Variants in CNOT6 observed in about 807,000 individuals in gnomAD.
CNOT6 encodes the protein CCR4-NOT transcription complex subunit 6.
In CNOT6, 12 loss-of-function variants were observed where a neutral mutation model predicts 61.2. The ratio of observed to expected loss-of-function variants is 0.20; its 90% CI spans 0.13 to 0.32. CNOT6 has a LOEUF of 0.32. Ranked by LOEUF, CNOT6 falls within the 10% of genes least tolerant of loss-of-function variation. The pLI, the probability that CNOT6 is intolerant of heterozygous loss-of-function variation, is 1.00. For missense variants in CNOT6, 405 were observed against 663.9 expected (o/e 0.61, Z 4.28); for synonymous variants, 225 against 240.6 (o/e 0.94, Z 0.60).
intron 2 of CNOT6, among the ~76,000 whole-genome samples, chr5:180,538,713 T>TATATATAC (rs1345549867): frequency 6.9e-6 from 1 of 144,898 alleles, no homozygotes; most frequent in African/African-American, 2.6e-5. Flanking sequence ...TATATATATA[T>TATATATAC]ATACAAAAAA....
chr5:180,498,350 A>G (rs4538575), intron 1 of CNOT6, among the ~76,000 whole-genome samples: 114,645 of 152,122 alleles, frequency 0.75, 43,911 homozygotes, highest in African/African-American at 0.86. Context: ...TTGCCTTCTC[A>G]TAGTGTATAG....
intron 1 of CNOT6, among the ~76,000 whole-genome samples, chr5:180,513,693 A>ATT (rs1757503816): frequency 7.3e-6 from 1 of 136,650 alleles, no homozygotes; most frequent in African/African-American, 2.7e-5. Flanking sequence ...TTATTTATTT[A>ATT]TTTATTTTTA....
chr5:180,535,532 C>A lies in CNOT6; in HGVS notation c.112+6144C>A, dbSNP rs190508821. On this transcript the variant is annotated intron_variant, in intron 2 of 11. Coordinates refer to ENST00000261951, the MANE Select transcript of CNOT6 (RefSeq NM_001370472.1). ...AGTAGTATTTCTTGGTGTATATATACACTGCATTTTCTTTATCCAGTCATC... is the reference window on the plus strand; with the variant it reads ...AGTAGTATTTCTTGGTGTATATATAAACTGCATTTTCTTTATCCAGTCATC... Among the ~76,000 whole-genome samples, 111 of 152,312 alleles carry A rather than the reference C, an allele frequency of 7.3e-4. No homozygotes were observed. The South Asian group carries it at 8.3e-3, about 11-fold the overall frequency.
chr5:180,541,475 A>G (rs1581527611), intron 2 of CNOT6, among the ~76,000 whole-genome samples: 2 of 51,262 alleles, frequency 3.9e-5, no homozygotes, highest in Non-Finnish European at 8.4e-5. Context: ...TTTTTGAGAC[A>G]GAGTTTCGCT....
At chr5:180,509,004 G>T (rs1757263558) in intron 1 of CNOT6, among the ~76,000 whole-genome samples, 1 of 151,774 alleles carries the variant, frequency 6.6e-6, no homozygotes, top group South Asian at 2.1e-4. Context: ...TGTATTTTTA[G>T]TAGAGACAGG....
chr5:180,527,513 C>T (rs1418466117), intron 1 of CNOT6, among the ~76,000 whole-genome samples: 2 of 152,162 alleles, frequency 1.3e-5, no homozygotes, highest in Non-Finnish European at 2.9e-5. Flanking sequence ...AATACGTTCA[C>T]ATGGTTGTGT....
chr5:180,500,226 C>T (rs754429004), intron 1 of CNOT6, among the ~76,000 whole-genome samples: 11 of 151,732 alleles, frequency 7.2e-5, no homozygotes, highest in Non-Finnish European at 4.4e-5. Context: ...CAGGTTCACC[C>T]GAGCCTCCTG....
chr5:180,565,566 C>T (rs11249729), intron 6 of CNOT6, among the ~76,000 whole-genome samples: 70,744 of 151,892 alleles, frequency 0.47, 17,498 homozygotes, highest in Non-Finnish European at 0.56. Flanking sequence ...CGAGCTTAGA[C>T]TTTTCACTTC....
intron 11 of CNOT6, among the ~76,000 whole-genome samples, chr5:180,573,533 C>A (rs997626441): frequency 4.1e-5 from 6 of 147,064 alleles, no homozygotes; most frequent in Non-Finnish European, 6.0e-5. Context: ...GTGTTCCAGG[C>A]AGAATGGTGG....
At chr5:180,552,599 T>TGG (rs1759674250) in intron 3 of CNOT6, among the ~76,000 whole-genome samples, 1 of 150,154 alleles carries the variant, frequency 6.7e-6, no homozygotes, top group Non-Finnish European at 1.5e-5. Flanking sequence ...TGAGCCGAGA[T>TGG]CGCATCACTG....
At chr5:180,573,136 T>C (rs1239958616) in intron 11 of CNOT6, among the ~76,000 whole-genome samples, 1 of 152,196 alleles carries the variant, frequency 6.6e-6, no homozygotes, top group African/African-American at 2.4e-5. Context: ...GTTTTCTTTC[T>C]CTTTCTGTTG....
chr5:180,557,576 C>CT (rs1269524658), intron 4 of CNOT6, among the ~76,000 whole-genome samples: 1 of 152,068 alleles, frequency 6.6e-6, no homozygotes, highest in African/African-American at 2.4e-5. Flanking sequence ...AGATTATTTG[C>CT]TTTTTTACTG....
rs903341398 is a variant in CNOT6, at chr5:180,553,153, A to G, written c.300-233A>G. ...ATACTTTTTAAAAATTGGGTCTTAC[A>G]TTTTGTCCTTTTCCCCCATTATTTC... is the stretch of plus-strand genomic sequence containing the variant. On this transcript the variant is annotated intron_variant, in intron 3 of 11. Transcript: ENST00000261951. Among the ~76,000 whole-genome samples, 10 of 151,274 alleles carry G rather than the reference A, an allele frequency of 6.6e-5. 1 individual carries two copies. The highest frequency in any genetic ancestry group is 1.9e-4 in the African/African-American group (8 of 41,208).
chr5:180,558,616 GT>G (rs927014569), intron 4 of CNOT6, among the ~76,000 whole-genome samples: 2 of 119,572 alleles, frequency 1.7e-5, no homozygotes, highest in African/African-American at 5.6e-5. Flanking sequence ...TCCTTCTTGT[GT>G]TTGCTTTTTT....
intron 1 of CNOT6, among the ~76,000 whole-genome samples, chr5:180,516,606 A>G (rs960599063): frequency 6.6e-6 from 1 of 152,250 alleles, no homozygotes; most frequent in African/African-American, 2.4e-5. Flanking sequence ...GGCTTTTAAC[A>G]AAAAACCACA....
intron 7 of CNOT6, among the ~76,000 whole-genome samples, chr5:180,566,587 T>A (rs975782761): frequency 2.7e-5 from 4 of 150,552 alleles, no homozygotes; most frequent in South Asian, 2.1e-4. Context: ...ACCTGTAAAA[T>A]GACAAGTCGC....
chr5:180,562,611 C>T (rs976622326), intron 4 of CNOT6, among the ~76,000 whole-genome samples: 1 of 151,992 alleles, frequency 6.6e-6, no homozygotes, highest in Non-Finnish European at 1.5e-5. Flanking sequence ...ATGGTGGCAG[C>T]TGCCTGTAGT....
At chr5:180,555,240 C>T (rs965408734) in intron 4 of CNOT6, among the ~76,000 whole-genome samples, 4 of 152,178 alleles carry the variant, frequency 2.6e-5, no homozygotes, top group Non-Finnish European at 5.9e-5. Flanking sequence ...CTCCTGACCT[C>T]AAGTCATTTG....
At chr5:180,553,137 A>T (rs912150400) in intron 3 of CNOT6, among the ~76,000 whole-genome samples, 2 of 152,154 alleles carry the variant, frequency 1.3e-5, no homozygotes, top group African/African-American at 2.4e-5. Flanking sequence ...AATACTTTTT[A>T]AAAATTGGGT....
Sources: gnomAD v4.1 joint callset for allele counts (sites outside exome capture counted in the v4.1 genomes callset) on GRCh38, gnomAD v4.1.1 for gene constraint, MANE v1.5 for transcripts, NCBI Gene and HGNC (gene_info 2026-07-23, HGNC 2026-07-21) for gene names.